Variants in PKNOX1 observed in about 807,000 individuals in gnomAD.
PKNOX1 encodes PBX/knotted 1 homeobox 1, also known as homeobox protein PKNOX1.
PKNOX1 carries 15 observed loss-of-function variants against 51.9 expected under a neutral mutation model. The ratio of observed to expected loss-of-function variants is 0.29; its 90% confidence interval spans 0.19 to 0.45. The LOEUF is 0.45. PKNOX1 is among the 20% of genes least tolerant of loss of function. The pLI, the probability that PKNOX1 is intolerant of heterozygous loss-of-function variation, is 1.00. For missense variants in PKNOX1, 462 were observed against 547.5 expected, an observed-to-expected ratio of 0.84 and a Z score of 1.56; for synonymous variants, 219 against 211.1, an observed-to-expected ratio of 1.04 and a Z score of -0.32.
intron 4 of PKNOX1, among the ~76,000 whole-genome samples, chr21:43,010,924 C>T (rs930689294): frequency 3.9e-5 from 6 of 151,946 alleles, no homozygotes; most frequent in African/African-American, 9.7e-5. Context: ...CAAATGGACA[C>T]GGGGATTCAG....
At chr21:42,994,064 G>A (rs1295896169) in intron 1 of PKNOX1, among the ~76,000 whole-genome samples, 3 of 143,262 alleles carry the variant, frequency 2.1e-5, no homozygotes, top group South Asian at 2.3e-4. Context: ...AAGGCAAGGC[G>A]GGGTCTCCCT....
At chr21:42,997,459 G>A (rs1022918617) in intron 1 of PKNOX1, among the ~76,000 whole-genome samples, 1 of 152,224 alleles carries the variant, frequency 6.6e-6, no homozygotes, top group African/African-American at 2.4e-5. Context: ...TGCCTAAAGT[G>A]GAACAAGGAG....
chr21:43,018,047 CAAAAA>C (rs60175567), intron 6 of PKNOX1, 81 bp from the exon 7 acceptor site: 82 of 279,828 alleles, frequency 2.9e-4, no homozygotes, highest in East Asian at 5.9e-4. Context: ...CCTGTCTCTA[CAAAAA>C]AAAAAAAAAA....
rs1201857213 is a variant in PKNOX1, at chr21:43,032,401, GT to G, written c.*2301del. The G allele has an allele frequency of 1.0e-5, 3 of 291,302 alleles. No individual in the cohort carries two copies. The highest frequency in any genetic ancestry group is 2.1e-5 in the Non-Finnish European group (3 of 142,028). The allele number at this position is 291,302 out of a possible 1,614,324, so 18.0% of individuals were successfully genotyped here. A position where few individuals can be genotyped will look rare whatever the true frequency, so the allele number is the denominator to read the frequency against. ...TCACAGAATGTAGACTCATGTATAG[GT>G]CACCGTTTCTTTCCCCCACTAGAAA... On this transcript the variant is annotated 3_prime_UTR_variant, in exon 11 of 11. Coordinates refer to ENST00000291547, the MANE Select transcript of PKNOX1 (RefSeq NM_004571.5).
At chr21:42,977,179 G>A (rs186873739) in intron 1 of PKNOX1, among the ~76,000 whole-genome samples, 269 of 152,260 alleles carry the variant, frequency 1.8e-3, no homozygotes, top group South Asian at 5.6e-3. Flanking sequence ...AAGAGTAGAC[G>A]TAACATAATT....
intron 1 of PKNOX1, among the ~76,000 whole-genome samples, chr21:43,002,449 A>C (rs1006935657): frequency 1.7e-5 from 2 of 114,546 alleles, no homozygotes; most frequent in East Asian, 2.8e-4. Flanking sequence ...CTTTTACCCC[A>C]TTGACTGTGC....
At chr21:43,011,709 G>C (rs1315854918) in intron 4 of PKNOX1, among the ~76,000 whole-genome samples, 1 of 152,134 alleles carries the variant, frequency 6.6e-6, no homozygotes, top group Non-Finnish European at 1.5e-5. Flanking sequence ...CAACAGAAAA[G>C]GTTTTTGGAA....
At chr21:42,989,705 C>T (rs1568889837) in intron 1 of PKNOX1, among the ~76,000 whole-genome samples, 2 of 152,146 alleles carry the variant, frequency 1.3e-5, no homozygotes, top group African/African-American at 2.4e-5. Flanking sequence ...AGTCGTGAGC[C>T]ACCGCCCCCA....
chr21:43,019,543 C>G (rs1053913790), intron 7 of PKNOX1, among the ~76,000 whole-genome samples: 15 of 151,904 alleles, frequency 9.9e-5, no homozygotes, highest in African/African-American at 1.2e-4. Flanking sequence ...ATTGAGAAAG[C>G]ATTACTTTTG....
chr21:43,025,138 C>T (rs1184973804), intron 9 of PKNOX1, among the ~76,000 whole-genome samples, 191 bp downstream of exon 9: 1 of 152,186 alleles, frequency 6.6e-6, no homozygotes, highest in African/African-American at 2.4e-5. Flanking sequence ...CCTCCCACCT[C>T]AGCTTCTCAA....
intron 1 of PKNOX1, among the ~76,000 whole-genome samples, chr21:43,003,693 G>A (rs140891500): frequency 1.9e-3 from 290 of 152,308 alleles, no homozygotes; most frequent in South Asian, 4.1e-3. Flanking sequence ...CAGGAAGGCA[G>A]AGGCCCTGCC....
intron 5 of PKNOX1, among the ~76,000 whole-genome samples, chr21:43,016,255 T>C (rs1418466774): frequency 6.6e-6 from 1 of 152,238 alleles, no homozygotes; most frequent in African/African-American, 2.4e-5. Context: ...AAGTGGCCCA[T>C]GTGGATCTAA....
Position 43,030,246 on chromosome 21 carries a change from A to G in PKNOX1, c.*145A>G. 1 of 630,374 alleles carries G rather than the reference A, an allele frequency of 1.6e-6. No homozygotes were observed. Among genetic ancestry groups the G allele is most frequent in the Non-Finnish European group, 2.7e-6 (1 of 370,912 alleles). 39.0% of individuals were successfully genotyped at this position (630,374 alleles called of 1,614,324 possible). A position where few individuals can be genotyped will look rare whatever the true frequency, so the allele number is the denominator to read the frequency against. ...GCTTAAAGCGCGTCTTTGCCGGTGCAGCGACTTCTTTCAAGTGTGTGTGTG... is the reference window on the plus strand; with the variant it reads ...GCTTAAAGCGCGTCTTTGCCGGTGCGGCGACTTCTTTCAAGTGTGTGTGTG... On this transcript the variant is annotated 3_prime_UTR_variant, in exon 11 of 11. Coordinates refer to ENST00000291547, the MANE Select transcript of PKNOX1 (RefSeq NM_004571.5).
rs778292481 is a variant in PKNOX1 at position 43,028,655 on chromosome 21, T to C, written c.927-47T>C. 1.9e-6 allele frequency: 3 copies of C among 1,571,676 alleles called. No homozygotes were observed. The South Asian group carries it at 3.3e-5, about 18-fold the overall frequency. ...AAGGATTTGTTAATCCTGTATAGGG[T>C]CTTTACGAAGGCTGTTTTCATGGAA... On this transcript the variant is annotated intron_variant, in intron 9 of 10. Coordinates refer to ENST00000291547, the MANE Select transcript of PKNOX1 (RefSeq NM_004571.5).
rs749163813 is a variant in PKNOX1, at chr21:43,017,033, C to A, written c.622+26C>A. 5.4e-6 allele frequency: 8 copies of A among 1,481,918 alleles called. No individual in the cohort carries two copies. The Admixed American group carries it at 1.3e-4, about 25-fold the overall frequency. The allele number at this position is 1,481,918 out of a possible 1,614,324, so 91.8% of individuals were successfully genotyped here. A position where few individuals can be genotyped will look rare whatever the true frequency, so the allele number is the denominator to read the frequency against. ...GTACGATGACAGAAAAATGGACACA[C>A]TCTCCATGAGTTTTTGCAGAAAATG... On this transcript the variant is annotated intron_variant, in intron 6 of 10. Coordinates refer to ENST00000291547, the MANE Select transcript of PKNOX1 (RefSeq NM_004571.5).
intron 1 of PKNOX1, among the ~76,000 whole-genome samples, chr21:42,998,484 C>T (rs956170574): frequency 2.6e-5 from 4 of 152,150 alleles, no homozygotes; most frequent in Non-Finnish European, 5.9e-5. Flanking sequence ...CTCATTTCAG[C>T]ATTAACTTAA....
intron 1 of PKNOX1, among the ~76,000 whole-genome samples, chr21:42,977,406 A>T (rs878894289): frequency 2.0e-5 from 3 of 152,092 alleles, no homozygotes; most frequent in African/African-American, 7.2e-5. Flanking sequence ...TTCATCAATG[A>T]TCTTAGCTAG....
chr21:42,974,744 G>GCCGCCGC (rs1568883021), intron 1 of PKNOX1, 80 bp downstream of exon 1: 2 of 158,306 alleles, frequency 1.3e-5, no homozygotes, highest in Admixed American at 6.7e-5. Context: ...CCGGCCCGCG[G>GCCGCCGC]CCGCCGCCCG....
In PKNOX1 at chr21:42,993,840, C is replaced by A. The variant is rs138864563; in HGVS notation, c.-56-10486C>A. 6.0e-3 allele frequency among the ~76,000 whole-genome samples: 895 copies of A among 150,364 alleles called. 8 individuals are homozygous for A. The highest frequency in any genetic ancestry group is 0.01 in the Non-Finnish European group (690 of 67,786). On this transcript the variant is annotated intron_variant, in intron 1 of 10. Coordinates refer to ENST00000291547, the MANE Select transcript of PKNOX1 (RefSeq NM_004571.5). ...CTCCGCTTCCCGGGTGCAAGTGATT[C>A]TCCTGGCTCAGCCTCCGGAGTAGCT... is the stretch of plus-strand genomic sequence containing the variant.
Sources: gnomAD v4.1 joint callset for allele counts (sites outside exome capture counted in the v4.1 genomes callset) on GRCh38, gnomAD v4.1.1 for gene constraint, MANE v1.5 for transcripts, NCBI Gene and HGNC (gene_info 2026-07-23, HGNC 2026-07-21) for gene names.